The following NCKAP5 variants were observed in gnomAD, a reference collection of about 807,000 sequenced individuals.
The protein encoded by NCKAP5 is NCK associated protein 5, also known as nck-associated protein 5.
A neutral mutation model predicts 167.0 loss-of-function variants in NCKAP5; 92 were observed. The observed-to-expected ratio is 0.55, with a 90% CI of 0.47 to 0.66. The LOEUF is 0.66. NCKAP5 is among the 30% of genes least tolerant of loss of function. The pLI is 0.00. For synonymous variants in NCKAP5, 891 were observed against 877.4 expected (o/e 1.02, Z -0.27); for missense variants, 2,378 against 2,315.0 (o/e 1.03, Z -0.56).
At chr2:132,909,610 C>A (rs1356394564) in intron 8 of NCKAP5, among the ~76,000 whole-genome samples, 1 of 152,188 alleles carries the variant, frequency 6.6e-6, no homozygotes, top group Non-Finnish European at 1.5e-5. Context: ...GGAGATGACT[C>A]ATCCAGAGGA....
chr2:133,136,781 G>A (rs918537086), intron 5 of NCKAP5, among the ~76,000 whole-genome samples: 4 of 152,152 alleles, frequency 2.6e-5, no homozygotes, highest in African/African-American at 9.7e-5. Context: ...GCTCATTTGA[G>A]AAATGTGGAA....
At position 132,784,292 on chromosome 2, in the gene NCKAP5, G is replaced by A. The variant is rs1401077651; in HGVS notation, c.2519C>T (p.Ala840Val). ...LVTLEKSPALAPGKLSRFMKT... is the reference protein window; with the variant it reads ...LVTLEKSPALVPGKLSRFMKT... ...CATGAATCGTGAGAGTTTCCCAGGA[G>A]CTAAGGCTGGTGATTTTTCAAGAGT... The change falls in exon 14 of 20, where the codon GCT becomes GTT. Residue 840 changes from alanine (A) to valine (V), a missense_variant. By Grantham distance (64) the Ala-to-Val change is moderately conservative. This residue lies in a region of NCKAP5 where 1,049 missense variants were observed against 1,023.4 expected (regional missense o/e 1.02). Coordinates refer to ENST00000409261, the MANE Select transcript of NCKAP5 (RefSeq NM_207363.3). 1 of 1,613,852 alleles carries A rather than the reference G, an allele frequency of 6.2e-7. No homozygotes were observed. The highest frequency in any genetic ancestry group is 8.5e-7 in the Non-Finnish European group (1 of 1,179,840).
At chr2:133,380,992 T>A (rs560871344) in intron 3 of NCKAP5, among the ~76,000 whole-genome samples, 2 of 152,306 alleles carry the variant, frequency 1.3e-5, no homozygotes, top group Admixed American at 1.3e-4. Context: ...TTGAACCCCC[T>A]CTTATCCCAC....
chr2:133,194,054 G>A (rs10199346), intron 5 of NCKAP5, among the ~76,000 whole-genome samples: 9,378 of 151,990 alleles, frequency 0.062, 404 homozygotes, highest in South Asian at 0.15. Context: ...GTGCATATGC[G>A]TATACATGCA....
chr2:132,954,813 A>G, intron 8 of NCKAP5: 3 of 397,890 alleles, frequency 7.5e-6, no homozygotes, highest in South Asian at 5.5e-5. Flanking sequence ...CTGTAATGTG[A>G]CTATTTACTA....
chr2:132,951,614 C>A (rs139609475), intron 8 of NCKAP5, among the ~76,000 whole-genome samples: 4 of 152,308 alleles, frequency 2.6e-5, no homozygotes, highest in African/African-American at 7.2e-5. Context: ...AGGTTGCTAT[C>A]AGAAATCAGA....
At chr2:133,342,624 C>T (rs1327646928) in intron 3 of NCKAP5, among the ~76,000 whole-genome samples, 1 of 152,100 alleles carries the variant, frequency 6.6e-6, no homozygotes, top group Non-Finnish European at 1.5e-5. Flanking sequence ...TTGTGCCTAC[C>T]AATTAACAAT....
chr2:132,885,004 T>C (rs536825716), intron 8 of NCKAP5, among the ~76,000 whole-genome samples: 1 of 152,330 alleles, frequency 6.6e-6, no homozygotes, highest in African/African-American at 2.4e-5. Context: ...GAAAGCACAA[T>C]AGTCACATTT....
chr2:133,345,267 T>G (rs1464701302), intron 3 of NCKAP5, among the ~76,000 whole-genome samples: 1 of 152,072 alleles, frequency 6.6e-6, no homozygotes. Flanking sequence ...ACCCTCCAAG[T>G]GTGAAGTGAC....
chr2:132,943,261 C>G (rs1348779043), intron 8 of NCKAP5, among the ~76,000 whole-genome samples: 1 of 152,200 alleles, frequency 6.6e-6, no homozygotes, highest in Non-Finnish European at 1.5e-5. Flanking sequence ...CATATTTTAA[C>G]AACTAAGATT....
intron 10 of NCKAP5, among the ~76,000 whole-genome samples, chr2:132,866,206 C>T (rs1690339295): frequency 1.3e-5 from 2 of 152,166 alleles, no homozygotes; most frequent in South Asian, 4.1e-4. Flanking sequence ...AAATGCCTTT[C>T]TTCCGTGTTT....
chr2:132,746,319 A>G (rs1220606444), intron 16 of NCKAP5, among the ~76,000 whole-genome samples: 1 of 152,136 alleles, frequency 6.6e-6, no homozygotes, highest in Non-Finnish European at 1.5e-5. Flanking sequence ...TAGTGTTTCA[A>G]CAAAAGGTAT....
intron 6 of NCKAP5, among the ~76,000 whole-genome samples, chr2:133,001,333 C>T (rs1341997581): frequency 6.6e-6 from 1 of 151,584 alleles, no homozygotes; most frequent in East Asian, 1.9e-4. Context: ...GATTGTCCAG[C>T]CTCAGCCTCC....
intron 4 of NCKAP5, among the ~76,000 whole-genome samples, chr2:133,215,146 A>G (rs1181277938): frequency 6.6e-6 from 1 of 152,190 alleles, no homozygotes; most frequent in African/African-American, 2.4e-5. Flanking sequence ...GCAACAGAGT[A>G]GATAGGAAGG....
chr2:132,899,974 T>G (rs35617384), intron 8 of NCKAP5, among the ~76,000 whole-genome samples: 19,869 of 152,148 alleles, frequency 0.13, 1,323 homozygotes, highest in Middle Eastern at 0.19. Context: ...GCAGTGTAGG[T>G]TGAATAATTG....
In NCKAP5 at chr2:132,781,094, G is replaced by A; in HGVS notation, c.5007C>T (p.Asn1669=). 1 of 1,613,686 alleles carries A rather than the reference G, an allele frequency of 6.2e-7. No individual in the cohort carries two copies. Among genetic ancestry groups the A allele is most frequent in the Non-Finnish European group, 8.5e-7 (1 of 1,179,764 alleles). The change falls in exon 15 of 20, where the codon AAC becomes AAT. Residue 1669 remains asparagine (N), a synonymous_variant. Transcript: ENST00000409261. The part of the protein sequence containing the change: ...SISTQGNHKK[N]MKIKADMEVP... The stretch of plus-strand genomic sequence containing the variant: ...CTTCCATATCGGCTTTGATTTTCAT[G>A]TTTTTCTTGTGGTTTCCTTGAGTAC...
intron 8 of NCKAP5, among the ~76,000 whole-genome samples, chr2:132,935,568 T>G (rs1031725217): frequency 2.0e-5 from 3 of 151,968 alleles, no homozygotes; most frequent in Admixed American, 6.6e-5. Flanking sequence ...ACACACGGTA[T>G]GTTCAGGGGC....
the NCKAP5 span, among the ~76,000 whole-genome samples, chr2:133,668,596 G>A: frequency 1.3e-5 from 2 of 151,806 alleles, no homozygotes; most frequent in African/African-American, 4.9e-5. Flanking sequence ...TTTGAGAAAT[G>A]AATATTTGAA....
At chr2:132,869,499 G>A (rs367933244) in intron 9 of NCKAP5, among the ~76,000 whole-genome samples, 1 of 152,084 alleles carries the variant, frequency 6.6e-6, no homozygotes, top group African/African-American at 2.4e-5. Flanking sequence ...CTTAAGTCAC[G>A]CTCTTGTTGT....
Sources: allele counts gnomAD v4.1 joint callset (sites outside exome capture counted in the v4.1 genomes callset), GRCh38; gene constraint gnomAD v4.1.1; regional missense constraint gnomAD v4.1.1; transcripts MANE v1.5; gene names NCBI Gene and HGNC (gene_info 2026-07-23, HGNC 2026-07-21).